The following MARCHF1 variants were observed in gnomAD, a reference collection of about 807,000 sequenced individuals.
The protein encoded by MARCHF1 is membrane associated ring-CH-type finger 1.
Under a neutral mutation model 54.2 loss-of-function variants are expected in MARCHF1, and 40 were observed. The ratio of observed to expected loss-of-function variants is 0.74; its 90% CI spans 0.57 to 0.96. The LOEUF (loss-of-function observed/expected upper bound fraction) is 0.96. Among genes scored for constraint, MARCHF1 ranks in the 40% least tolerant of loss-of-function variants. The probability of loss-of-function intolerance (pLI) is 0.00; values close to 1 mark genes in which losing one functional copy is unlikely to be tolerated. For synonymous variants in MARCHF1, 236 were observed against 236.3 expected, an observed-to-expected ratio of 1.00 and a Z score of 0.01; for missense variants, 586 against 656.5, an observed-to-expected ratio of 0.89 and a Z score of 1.17.
At chr4:164,210,054 CA>C (rs1259102673) in intron 1 of MARCHF1, among the ~76,000 whole-genome samples, 1 of 151,916 alleles carries the variant, frequency 6.6e-6, no homozygotes, top group South Asian at 2.1e-4. Flanking sequence ...TTGAACAGTA[CA>C]AAAGAAAGCT....
intron 1 of MARCHF1, among the ~76,000 whole-genome samples, chr4:164,184,519 G>A (rs1351981429): frequency 6.6e-6 from 1 of 152,206 alleles, no homozygotes; most frequent in Non-Finnish European, 1.5e-5. Context: ...GACGTGGATT[G>A]TGTCTGAAAT....
chr4:163,781,098 C>T (rs1471621420), intron 4 of MARCHF1, among the ~76,000 whole-genome samples: 1 of 151,512 alleles, frequency 6.6e-6, no homozygotes, highest in Non-Finnish European at 1.5e-5. Flanking sequence ...AATCCCAGCA[C>T]TTTGGGAGGC....
At chr4:164,144,674 G>C (rs1173926451) in intron 1 of MARCHF1, among the ~76,000 whole-genome samples, 334 of 132,334 alleles carry the variant, frequency 2.5e-3, no homozygotes, top group Non-Finnish European at 4.3e-3. Context: ...TCAAAGCAGT[G>C]TGTAGAGGGA....
chr4:163,756,063 C>A (rs1431987765), intron 4 of MARCHF1, among the ~76,000 whole-genome samples: 2 of 152,156 alleles, frequency 1.3e-5, no homozygotes, highest in Non-Finnish European at 2.9e-5. Context: ...AAATGCTTGT[C>A]ATTTTAAGGA....
intron 1 of MARCHF1, among the ~76,000 whole-genome samples, chr4:164,328,636 TCTC>T (rs1222777105): frequency 1.3e-5 from 2 of 151,982 alleles, no homozygotes; most frequent in Non-Finnish European, 2.9e-5. Context: ...TTCAAGCAAT[TCTC>T]CTGCCTCAGC....
intron 1 of MARCHF1, among the ~76,000 whole-genome samples, chr4:164,131,708 T>C (rs905143096): frequency 6.6e-5 from 10 of 152,210 alleles, no homozygotes; most frequent in African/African-American, 2.4e-4. Context: ...TGCAAACTTG[T>C]TTCTTTTGCC....
chr4:163,822,814 G>A lies in MARCHF1; in HGVS notation c.111+31207C>T, dbSNP rs144717019. Reference sequence around the variant, plus strand: ...ACCCTACTGATCTATTGGAAAACCAGGAGGTCTTGTTTCTAAGTGTATATT... The same window carrying A: ...ACCCTACTGATCTATTGGAAAACCAAGAGGTCTTGTTTCTAAGTGTATATT... On this transcript the variant is annotated intron_variant, in intron 4 of 9. Coordinates refer to ENST00000514618, the MANE Select transcript of MARCHF1 (RefSeq NM_001394959.1). 3.0e-4 allele frequency among the ~76,000 whole-genome samples: 45 copies of A among 151,880 alleles called. No homozygotes were observed. In the East Asian group the frequency reaches 7.2e-3, roughly 24 times the overall value.
At chr4:163,934,420 G>A (rs942394507) in intron 3 of MARCHF1, among the ~76,000 whole-genome samples, 2 of 151,412 alleles carry the variant, frequency 1.3e-5, no homozygotes, top group African/African-American at 4.9e-5. Context: ...TTAGCCAGGT[G>A]TGGTGGTATG....
At chr4:163,632,226 A>C (rs1742113936) in intron 5 of MARCHF1, among the ~76,000 whole-genome samples, 1 of 152,130 alleles carries the variant, frequency 6.6e-6, no homozygotes, top group Non-Finnish European at 1.5e-5. Flanking sequence ...TCTCATGTTG[A>C]AATGTAGGGG....
chr4:163,745,839 TAA>T (rs34703990), intron 4 of MARCHF1, among the ~76,000 whole-genome samples: 7 of 148,922 alleles, frequency 4.7e-5, no homozygotes, highest in Non-Finnish European at 8.9e-5. Flanking sequence ...TCTTATAGTT[TAA>T]AAAAAAAAAG....
Position 163,639,000 on chromosome 4 carries a change from T to G in MARCHF1, c.163-25607A>C, listed in dbSNP as rs192951354. Among the ~76,000 whole-genome samples the G allele has an allele frequency of 3.8e-3, 571 of 152,114 alleles. 8 individuals are homozygous for G. The highest frequency in any genetic ancestry group is 1.7e-3 in the Non-Finnish European group (117 of 68,000). On this transcript the variant is annotated intron_variant, in intron 5 of 9. Transcript: ENST00000514618. ...TACCTAGAGTCACCAAATTTATATA[T>G]AGAGAAAATAATAGTTCCCAGAGAC... is the stretch of plus-strand genomic sequence containing the variant.
At chr4:163,743,679 C>G (rs748996144) in intron 4 of MARCHF1, among the ~76,000 whole-genome samples, 3 of 150,880 alleles carry the variant, frequency 2.0e-5, no homozygotes, top group Non-Finnish European at 4.4e-5. Context: ...CCCAGGTTCA[C>G]GCCATTCTCC....
chr4:163,612,571 T>A lies in MARCHF1; in HGVS notation c.710A>T (p.His237Leu). The change falls in exon 7 of 10, where the codon CAT becomes CTT. Residue 237 changes from histidine (H) to leucine (L), a missense_variant. His to Leu is a moderately conservative substitution (Grantham distance 99). Around this residue, in one of 3 missense-constraint regions of MARCHF1, gnomAD observed 387 missense variants for 394.6 expected, o/e 0.98. Coordinates refer to ENST00000514618, the MANE Select transcript of MARCHF1 (RefSeq NM_001394959.1). ...SCSLNLHRGK[H>L]TRYQECNPSL... Reference sequence around the variant, plus strand: ...AGGGTTGCATTCTTGGTACCTTGTATGTTTTCCTCTGTGGAGATTTAAAGA... The same window carrying A: ...AGGGTTGCATTCTTGGTACCTTGTAAGTTTTCCTCTGTGGAGATTTAAAGA... 2.0e-6 allele frequency: 3 copies of A among 1,535,610 alleles called. No individual in the cohort carries two copies. Among genetic ancestry groups the A allele is most frequent in the Non-Finnish European group, 2.6e-6 (3 of 1,146,550 alleles).
chr4:163,960,394 T>A (rs1161220663), intron 3 of MARCHF1, among the ~76,000 whole-genome samples: 2 of 151,916 alleles, frequency 1.3e-5, no homozygotes, highest in Non-Finnish European at 1.5e-5. Flanking sequence ...AGCAAAGACA[T>A]GGAATCAACC....
At chr4:164,204,385 G>T (rs1174943686) in intron 1 of MARCHF1, among the ~76,000 whole-genome samples, 3 of 152,092 alleles carry the variant, frequency 2.0e-5, no homozygotes, top group African/African-American at 4.8e-5. Context: ...TTTTGGACAC[G>T]TACCTCCACA....
intron 2 of MARCHF1, among the ~76,000 whole-genome samples, chr4:164,031,907 T>C (rs192348836): frequency 6.6e-6 from 1 of 152,344 alleles, no homozygotes; most frequent in African/African-American, 2.4e-5. Flanking sequence ...GAAGGAATAG[T>C]ACCAGCTCCT....
At chr4:163,558,653 G>C (rs763639370) in intron 8 of MARCHF1, among the ~76,000 whole-genome samples, 12 of 152,198 alleles carry the variant, frequency 7.9e-5, no homozygotes, top group Non-Finnish European at 1.8e-4. Context: ...TGAGGGGTGT[G>C]GATTGGCTCA....
intron 4 of MARCHF1, among the ~76,000 whole-genome samples, chr4:163,733,201 A>ATATATATATATACATACACATG (rs1745910293): frequency 2.9e-5 from 1 of 34,264 alleles, no homozygotes. Context: ...ATATATATAT[A>ATATATATATATACATACACATG]TATATATATA....
At chr4:164,257,177 TACTC>T (rs1316320499) in intron 1 of MARCHF1, among the ~76,000 whole-genome samples, 1 of 152,270 alleles carries the variant, frequency 6.6e-6, no homozygotes, top group African/African-American at 2.4e-5. Context: ...AAAATGCAGT[TACTC>T]AGTAAAACTT....
Sources: gnomAD v4.1 joint callset for allele counts (sites outside exome capture counted in the v4.1 genomes callset) on GRCh38, gnomAD v4.1.1 for gene constraint, gnomAD v4.1.1 regional missense constraint, MANE v1.5 for transcripts, NCBI Gene and HGNC (gene_info 2026-07-23, HGNC 2026-07-21) for gene names.